Variants in STIP1 observed in about 807,000 individuals in gnomAD.
STIP1 encodes the protein stress induced phosphoprotein 1, also known as stress-induced-phosphoprotein 1.
STIP1 carries 16 observed loss-of-function variants against 77.4 expected under a neutral mutation model. The observed-to-expected ratio is 0.21, with a 90% confidence interval of 0.14 to 0.31. The LOEUF (loss-of-function observed/expected upper bound fraction) is 0.31. Among genes scored for constraint, STIP1 ranks in the 10% least tolerant of loss-of-function variants. The probability of loss-of-function intolerance (pLI) is 1.00; values close to 1 mark genes in which losing one functional copy is unlikely to be tolerated. For synonymous variants in STIP1, 258 were observed against 246.6 expected (o/e 1.05, Z -0.44); for missense variants, 524 against 684.8 (o/e 0.77, Z 2.62).
chr11:64,186,329 GCC>G, intron 1 of STIP1, 59 bp downstream of exon 1: 3 of 502,144 alleles, frequency 6.0e-6, no homozygotes, highest in South Asian at 3.4e-5. Context: ...CGGTGGCCAG[GCC>G]GCGGTAGGGG....
At chr11:64,201,795 G>A (rs1174386747) in intron 10 of STIP1, among the ~76,000 whole-genome samples, 1 of 152,224 alleles carries the variant, frequency 6.6e-6, no homozygotes, top group Non-Finnish European at 1.5e-5. Flanking sequence ...TCCCGATCAT[G>A]AGAGCGTGGA....
chr11:64,203,428 C>T, intron 12 of STIP1, 22 bp from the exon 13 acceptor site: 1 of 1,613,780 alleles, frequency 6.2e-7, no homozygotes, highest in Non-Finnish European at 8.5e-7. Flanking sequence ...CACGCTTCAC[C>T]TTTGTCTCTT....
intron 4 of STIP1, 51 bp downstream of exon 4, chr11:64,194,671 T>G: frequency 6.3e-7 from 1 of 1,597,302 alleles, no homozygotes; most frequent in East Asian, 2.2e-5. Context: ...ATGTTATGCT[T>G]TCTTCCTGTA....
chr11:64,186,973 C>T (rs936074411), intron 1 of STIP1, among the ~76,000 whole-genome samples: 9 of 151,934 alleles, frequency 5.9e-5, no homozygotes, highest in Admixed American at 5.2e-4. Context: ...GTATTGCGGC[C>T]CCTCCCCCTC....
Position 64,200,099 on chromosome 11 carries a change from GGGGTAAATGGCC to G in STIP1, c.1120+66_1121-56del, listed in dbSNP as rs374488049. The stretch of plus-strand genomic sequence containing the variant: ...GGGTGTGCCTCCCGTGCCTGGCTGT[GGGGTAAATGGCC>G]GGCTACACATGGGGGCTTTTTGCTT... On this transcript the variant is annotated intron_variant, in intron 9 of 13. Coordinates refer to ENST00000305218, the MANE Select transcript of STIP1 (RefSeq NM_006819.3). 34 of 1,612,746 alleles carry G rather than the reference GGGGTAAATGGCC, an allele frequency of 2.1e-5. No individual in the cohort carries two copies. The African/African-American group carries it at 3.2e-4, about 15-fold the overall frequency.
chr11:64,197,046 A>G (rs1946158611), intron 5 of STIP1: 1 of 563,296 alleles, frequency 1.8e-6, no homozygotes, highest in Non-Finnish European at 3.1e-6. Flanking sequence ...GATCTAGGAG[A>G]GTAGGTGGAA....
chr11:64,204,212 C>G lies in STIP1; in HGVS notation c.*86C>G. The G allele has an allele frequency of 7.2e-7, 1 of 1,391,024 alleles. No homozygotes were observed. 86.2% of individuals were successfully genotyped at this position (1,391,024 alleles called of 1,614,324 possible). ...GAGCAGCACGGAGCGGAAGGGAGAG[C>G]AGGGGAGAGAAGGCCTCATCTCTCT... On this transcript the variant is annotated 3_prime_UTR_variant, in exon 14 of 14. Coordinates refer to ENST00000305218, the MANE Select transcript of STIP1 (RefSeq NM_006819.3).
In STIP1 at chr11:64,204,040, G is replaced by A. The variant is rs768933895; in HGVS notation, c.1560-14G>A. 1.9e-5 allele frequency: 30 copies of A among 1,613,820 alleles called. No individual in the cohort carries two copies. Among genetic ancestry groups the A allele is most frequent in the South Asian group, 9.9e-5 (9 of 91,078 alleles). ...AGGTTGTCTCATTTCAAGTAACTGC[G>A]TCTTCCTCTGTAGACACTTAAAGAA... is the stretch of plus-strand genomic sequence containing the variant. On this transcript the variant is annotated splice_polypyrimidine_tract_variant and intron_variant, in intron 13 of 13. Coordinates refer to ENST00000305218, the MANE Select transcript of STIP1 (RefSeq NM_006819.3).
rs145388599 is a variant in STIP1, at chr11:64,199,027, G to A, written c.1024-913G>A. ...AGCCTGGCCAGGATGGTGAAACCCCGTCTCTACTAAAAATACGAAAAAATT... is the reference window on the plus strand; with the variant it reads ...AGCCTGGCCAGGATGGTGAAACCCCATCTCTACTAAAAATACGAAAAAATT... On this transcript the variant is annotated intron_variant, in intron 8 of 13. Transcript: ENST00000305218. Among the ~76,000 whole-genome samples the A allele has an allele frequency of 8.9e-3, 1,345 of 150,772 alleles. 23 individuals carry two copies. The highest frequency in any genetic ancestry group is 0.031 in the African/African-American group (1,283 of 41,046).
Position 64,186,289 on chromosome 11 carries a change from G to T in STIP1, c.9+19G>T. 1.9e-6 allele frequency: 3 copies of T among 1,540,322 alleles called. No homozygotes were observed. Among genetic ancestry groups the T allele is most frequent in the Non-Finnish European group, 2.6e-6 (3 of 1,142,192 alleles). ...GGAGCAGGTGAAGGGGGAGGGGCGG[G>T]CTGAGGCCCCGAGCCTGCTCGGGGA... On this transcript the variant is annotated intron_variant, in intron 1 of 13. Transcript: ENST00000305218.
intron 2 of STIP1, 71 bp from the exon 3 acceptor site, chr11:64,194,118 C>CT: frequency 1.3e-6 from 2 of 1,551,426 alleles, no homozygotes; most frequent in Admixed American, 2.1e-5. Flanking sequence ...TAGAATTGTT[C>CT]TTTTTTGAGT....
chr11:64,192,780 ACATTCTGGAGTGGCTTCGTGAGCTC>A (rs2134789413), intron 1 of STIP1, among the ~76,000 whole-genome samples: 1 of 152,342 alleles, frequency 6.6e-6, no homozygotes, highest in African/African-American at 2.4e-5. Context: ...AGCATGTGGC[ACATTCTGGAGTGGCTTCGTGAGCTC>A]CATGTGGAGA....
chr11:64,186,054 A>G, upstream of STIP1: 2 of 1,546,362 alleles, frequency 1.3e-6, no homozygotes, highest in Non-Finnish European at 1.7e-6. Context: ...GTCCAATGAG[A>G]AGGAAGTGGA....
intron 1 of STIP1, 52 bp from the exon 2 acceptor site, chr11:64,193,026 T>C (rs899461141): frequency 6.4e-6 from 10 of 1,563,170 alleles, no homozygotes; most frequent in Middle Eastern, 4.1e-4. Context: ...TCTTTAAAGC[T>C]TGGGATTAAA....
At chr11:64,195,025 G>A (rs1472275836) in intron 4 of STIP1, among the ~76,000 whole-genome samples, 2 of 152,168 alleles carry the variant, frequency 1.3e-5, no homozygotes, top group Non-Finnish European at 2.9e-5. Flanking sequence ...ATCAGCTACG[G>A]AAGTATACCT....
chr11:64,198,234 A>T (rs536972050), intron 8 of STIP1, among the ~76,000 whole-genome samples: 2 of 149,376 alleles, frequency 1.3e-5, no homozygotes, highest in Non-Finnish European at 3.0e-5. Flanking sequence ...TTTTTTTTTG[A>T]GATGGAGTCT....
intron 10 of STIP1, among the ~76,000 whole-genome samples, chr11:64,201,006 C>T (rs967976305): frequency 1.1e-4 from 16 of 145,036 alleles, no homozygotes; most frequent in African/African-American, 1.6e-4. Context: ...GGATTACAAG[C>T]GTGAACCACC....
intron 1 of STIP1, among the ~76,000 whole-genome samples, chr11:64,190,782 G>A (rs1478390427): frequency 6.6e-6 from 1 of 151,880 alleles, no homozygotes; most frequent in Non-Finnish European, 1.5e-5. Context: ...GTTGCTTTAG[G>A]CCAAGAGTTT....
Position 64,197,509 on chromosome 11 carries a change from G to A in STIP1, c.816G>A (p.Lys272=), listed in dbSNP as rs768691065. ...GCCTGGCAGCGGTATACTTTGAAAAGGGCGACTACAATAAGTGCCGGGAGC... is the reference window on the plus strand; with the variant it reads ...GCCTGGCAGCGGTATACTTTGAAAAAGGCGACTACAATAAGTGCCGGGAGC... ...ITNQAAVYFE[K]GDYNKCRELC... is the part of the protein sequence containing the mutation. Residue 272 remains lysine, a synonymous_variant, in exon 7 of 14, where the codon AAG becomes AAA. Coordinates refer to ENST00000305218, the MANE Select transcript of STIP1 (RefSeq NM_006819.3). 6.2e-7 allele frequency: 1 copy of A among 1,614,172 alleles called. No individual in the cohort carries two copies. The highest frequency in any genetic ancestry group is 8.5e-7 in the Non-Finnish European group (1 of 1,180,046).
Sources: allele counts gnomAD v4.1 joint callset (sites outside exome capture counted in the v4.1 genomes callset), GRCh38; gene constraint gnomAD v4.1.1; transcripts MANE v1.5; gene names NCBI Gene and HGNC (gene_info 2026-07-23, HGNC 2026-07-21).